TAFA4: variants seen among roughly 807,000 people sequenced by gnomAD.
The protein encoded by TAFA4 is chemokine-like protein TAFA-4.
In TAFA4, 20 loss-of-function variants were observed where a neutral mutation model predicts 21.1. That is an observed-to-expected ratio of 0.95 (90% CI 0.67 to 1.38). The LOEUF (loss-of-function observed/expected upper bound fraction) is 1.38, where lower values mean the gene tolerates loss of function less well. TAFA4 is among the 40% of genes most tolerant of loss of function. The pLI is 0.00. For synonymous variants in TAFA4, 71 were observed against 67.4 expected (o/e 1.05, Z -0.26); for missense variants, 211 against 180.9 (o/e 1.17, Z -0.95).
At chr3:68,854,152 C>A (rs1012990286) in intron 3 of TAFA4, among the ~76,000 whole-genome samples, 1 of 151,970 alleles carries the variant, frequency 6.6e-6, no homozygotes, top group Non-Finnish European at 1.5e-5. Context: ...AAAGAGATGA[C>A]ATTTACATTT....
intron 3 of TAFA4, among the ~76,000 whole-genome samples, chr3:68,827,603 T>C (rs997869835): frequency 1.3e-5 from 2 of 152,232 alleles, no homozygotes; most frequent in African/African-American, 4.8e-5. Flanking sequence ...TGGTATCTCA[T>C]TGTGGTTTTG....
intron 1 of TAFA4, among the ~76,000 whole-genome samples, chr3:68,904,110 G>A (rs769144482): frequency 2.0e-5 from 3 of 151,006 alleles, no homozygotes; most frequent in Admixed American, 1.3e-4. Flanking sequence ...AAGCTCCATC[G>A]TTTCAAGTGC....
intron 3 of TAFA4, among the ~76,000 whole-genome samples, chr3:68,781,771 C>A (rs1032794132): frequency 2.0e-5 from 3 of 152,010 alleles, no homozygotes; most frequent in African/African-American, 4.8e-5. Flanking sequence ...ATGTGGCCAG[C>A]ATTACTCTGA....
At chr3:68,860,557 G>A (rs2089323298) in intron 3 of TAFA4, among the ~76,000 whole-genome samples, 1 of 151,916 alleles carries the variant, frequency 6.6e-6, no homozygotes, top group Admixed American at 6.6e-5. Context: ...AAAAACTTTG[G>A]ATTAAAAGGA....
chr3:68,881,443 C>T (rs2089617520), intron 2 of TAFA4, among the ~76,000 whole-genome samples: 1 of 152,090 alleles, frequency 6.6e-6, no homozygotes, highest in East Asian at 1.9e-4. Flanking sequence ...CAATTCCGTT[C>T]ACATGACAAT....
intron 2 of TAFA4, among the ~76,000 whole-genome samples, chr3:68,881,949 G>A (rs1021986500): frequency 3.3e-5 from 5 of 152,098 alleles, no homozygotes; most frequent in African/African-American, 4.8e-5. Context: ...CACACCATAC[G>A]CCGAGGCACA....
At chr3:68,899,848 A>T (rs1337215205) in intron 1 of TAFA4, among the ~76,000 whole-genome samples, 1 of 152,182 alleles carries the variant, frequency 6.6e-6, no homozygotes, top group African/African-American at 2.4e-5. Flanking sequence ...GAAGAAATGC[A>T]TATAAAAACT....
chr3:68,917,348 C>T (rs766228423), intron 1 of TAFA4, among the ~76,000 whole-genome samples: 3 of 152,110 alleles, frequency 2.0e-5, no homozygotes, highest in Non-Finnish European at 2.9e-5. Flanking sequence ...TGTGGTGGTT[C>T]TACAGTTTGA....
chr3:68,871,462 A>G (rs2089482348), intron 3 of TAFA4, among the ~76,000 whole-genome samples: 1 of 152,188 alleles, frequency 6.6e-6, no homozygotes, highest in South Asian at 2.1e-4. Flanking sequence ...CTAACACCTG[A>G]AACTATGAAA....
intron 3 of TAFA4, among the ~76,000 whole-genome samples, chr3:68,826,434 A>G (rs547164738): frequency 1.3e-5 from 2 of 152,124 alleles, no homozygotes; most frequent in East Asian, 3.9e-4. Context: ...TTGGCTCGGC[A>G]TGGTGGCGGG....
intron 3 of TAFA4, among the ~76,000 whole-genome samples, chr3:68,849,896 T>C (rs1704903416): frequency 6.6e-6 from 1 of 152,220 alleles, no homozygotes. Context: ...TCTTCAGTCC[T>C]TCGAAGGATT....
rs76032764 is a variant in TAFA4, at chr3:68,894,081, T to C, written c.-122-8771A>G. Among the ~76,000 whole-genome samples the C allele has an allele frequency of 5.4e-3, 826 of 152,220 alleles. 3 individuals are homozygous for C. The highest frequency in any genetic ancestry group is 0.019 in the African/African-American group (802 of 41,540). ...CAGCTTCTAAATAAAATGGTAATTA[T>C]TTCTATGGAATACTACACATAATAA... On this transcript the variant is annotated intron_variant, in intron 1 of 5. Transcript: ENST00000295569.
At chr3:68,783,530 T>C (rs1256867474) in intron 3 of TAFA4, among the ~76,000 whole-genome samples, 2 of 151,970 alleles carry the variant, frequency 1.3e-5, no homozygotes, top group African/African-American at 4.8e-5. Context: ...AGGACTTTTC[T>C]CAAAGAAAAT....
chr3:68,908,989 C>T (rs1205149805), intron 1 of TAFA4, among the ~76,000 whole-genome samples: 1 of 152,152 alleles, frequency 6.6e-6, no homozygotes, highest in South Asian at 2.1e-4. Context: ...TAGTCACTAC[C>T]CACATGTAGC....
chr3:68,880,515 G>A (rs1559552441), intron 3 of TAFA4, among the ~76,000 whole-genome samples: 1 of 152,040 alleles, frequency 6.6e-6, no homozygotes, highest in East Asian at 1.9e-4. Context: ...GTGTGCCCAA[G>A]AAAACAAAAG....
At chr3:68,855,407 C>T (rs1046637299) in intron 3 of TAFA4, among the ~76,000 whole-genome samples, 1 of 152,092 alleles carries the variant, frequency 6.6e-6, no homozygotes, top group Admixed American at 6.6e-5. Flanking sequence ...TTTAATTCCA[C>T]AACAGTTATA....
At chr3:68,774,844 T>A (rs1458700321) in intron 3 of TAFA4, among the ~76,000 whole-genome samples, 1 of 151,984 alleles carries the variant, frequency 6.6e-6, no homozygotes, top group African/African-American at 2.4e-5. Flanking sequence ...AGTGACTCTG[T>A]GAAAAGGAAA....
intron 3 of TAFA4, among the ~76,000 whole-genome samples, chr3:68,858,920 G>C (rs927713842): frequency 6.6e-6 from 1 of 151,620 alleles, no homozygotes; most frequent in Admixed American, 6.6e-5. Context: ...CAGTTTCAAG[G>C]GGTCAATGTA....
intron 1 of TAFA4, among the ~76,000 whole-genome samples, chr3:68,900,132 C>T (rs1057225635): frequency 3.3e-5 from 5 of 149,802 alleles, no homozygotes; most frequent in Non-Finnish European, 5.9e-5. Context: ...ATCCCAGGTA[C>T]TGGGGAGGCT....
Sources: allele counts gnomAD v4.1 joint callset (sites outside exome capture counted in the v4.1 genomes callset), GRCh38; gene constraint gnomAD v4.1.1; transcripts MANE v1.5; gene names NCBI Gene and HGNC (gene_info 2026-07-23, HGNC 2026-07-21).